RGPD3: variants seen among roughly 807,000 people sequenced by gnomAD.
RGPD3 encodes ranBP2-like and GRIP domain-containing protein 3.
RGPD3 carries 62 observed loss-of-function variants against 154.5 expected under a neutral mutation model. The observed-to-expected ratio is 0.40, with a 90% CI of 0.33 to 0.50. The LOEUF (loss-of-function observed/expected upper bound fraction) is 0.50, where lower values mean the gene tolerates loss of function less well. Among genes scored for constraint, RGPD3 ranks in the 20% least tolerant of loss-of-function variants. The pLI, the probability that RGPD3 is intolerant of heterozygous loss-of-function variation, is 0.59. For synonymous variants in RGPD3, 308 were observed against 607.0 expected, an observed-to-expected ratio of 0.51 and a Z score of 7.24; for missense variants, 919 against 1,716.8, an observed-to-expected ratio of 0.54 and a Z score of 8.21.
intron 22 of RGPD3, among the ~76,000 whole-genome samples, chr2:106,411,530 T>TA (rs1047476469): frequency 1.3e-4 from 20 of 150,158 alleles, no homozygotes; most frequent in Admixed American, 2.0e-4. Context: ...TTGTTATAGA[T>TA]AAAAAAACAA....
At chr2:106,468,777 G>A (rs1378313227), upstream of RGPD3, among the ~76,000 whole-genome samples, 7 of 116,196 alleles carry the variant, frequency 6.0e-5, no homozygotes, top group Non-Finnish European at 1.1e-4. Context: ...CTGTACTCTA[G>A]CCTGGATGAC....
chr2:106,408,618 T>C (rs1455922273), intron 22 of RGPD3, among the ~76,000 whole-genome samples: 1 of 139,274 alleles, frequency 7.2e-6, no homozygotes, highest in East Asian at 2.7e-4. Flanking sequence ...CTTAGTAGAT[T>C]CAACATTAGC....
intron 17 of RGPD3, among the ~76,000 whole-genome samples, chr2:106,430,417 C>T (rs1376087188): frequency 9.0e-6 from 1 of 110,962 alleles, no homozygotes; most frequent in African/African-American, 3.1e-5. Context: ...AAGACAATTC[C>T]CTGCTCAAAA....
rs543811564 is a variant in RGPD3, at chr2:106,436,171, G to T, written c.1710C>A (p.Gly570=). The stretch of plus-strand genomic sequence containing the variant: ...AATGTACAAGCAGAGCAGGTTGAAG[G>T]CCATGTTTTTCCTGGGCTCTTAGAG... ...INTLRAQEKH[G]LQPALLVHWA... Residue 570 remains glycine, a synonymous_variant, in exon 12 of 23, where the codon GGC becomes GGA. Coordinates refer to ENST00000409886, the MANE Select transcript of RGPD3 (RefSeq NM_001144013.2). 90 of 1,611,714 alleles carry T rather than the reference G, an allele frequency of 5.6e-5. 1 individual carries two copies. In the East Asian group the frequency reaches 2.0e-3, roughly 36 times the overall value.
At chr2:106,421,750 C>G (rs936095883) in intron 20 of RGPD3, among the ~76,000 whole-genome samples, 49 of 151,646 alleles carry the variant, frequency 3.2e-4, no homozygotes, top group African/African-American at 9.7e-4. Context: ...GTATACATGC[C>G]GTTGCCACTA....
chr2:106,466,154 C>A (rs1464628597), intron 1 of RGPD3, among the ~76,000 whole-genome samples: 1 of 148,814 alleles, frequency 6.7e-6, no homozygotes, highest in East Asian at 1.9e-4. Flanking sequence ...GAGCGAGCAC[C>A]GTCGGGAACA....
chr2:106,421,550 T>C (rs1676987096), intron 20 of RGPD3, among the ~76,000 whole-genome samples: 1 of 150,784 alleles, frequency 6.6e-6, no homozygotes, highest in African/African-American at 2.4e-5. Flanking sequence ...TAACCTGTTC[T>C]TGAAGGCCTT....
intron 22 of RGPD3, among the ~76,000 whole-genome samples, chr2:106,409,205 A>G (rs959213235): frequency 6.6e-6 from 1 of 152,042 alleles, no homozygotes; most frequent in Non-Finnish European, 1.5e-5. Flanking sequence ...TGGCTCTCAG[A>G]CCTTTCTTCT....
chr2:106,449,759 T>G (rs1678052983), intron 6 of RGPD3, among the ~76,000 whole-genome samples: 1 of 151,962 alleles, frequency 6.6e-6, no homozygotes, highest in Non-Finnish European at 1.5e-5. Flanking sequence ...GGCTCATGCC[T>G]GTAATCCCAG....
chr2:106,449,789 A>G (rs1307980824), intron 6 of RGPD3, among the ~76,000 whole-genome samples: 291 of 147,802 alleles, frequency 2.0e-3, no homozygotes, highest in African/African-American at 6.8e-3. Context: ...AGGCCGAGGC[A>G]GGCGGATCAC....
chr2:106,410,640 G>A (rs1012606739), intron 22 of RGPD3, among the ~76,000 whole-genome samples: 9 of 152,130 alleles, frequency 5.9e-5, no homozygotes, highest in Middle Eastern at 3.4e-3. Context: ...TAAAGTCCTG[G>A]TTAATTTTAT....
At chr2:106,464,880 GC>G (rs1426392238) in intron 1 of RGPD3, among the ~76,000 whole-genome samples, 1 of 149,540 alleles carries the variant, frequency 6.7e-6, no homozygotes, top group Non-Finnish European at 1.5e-5. Flanking sequence ...CTGCCACCAC[GC>G]CCGGCTCATT....
chr2:106,451,692 A>C (rs1020957497), intron 6 of RGPD3, among the ~76,000 whole-genome samples: 3 of 151,410 alleles, frequency 2.0e-5, no homozygotes, highest in African/African-American at 7.3e-5. Context: ...ATTTATTTTC[A>C]AAATGGAGAC....
At chr2:106,445,780 CAAATAA>C (rs1677902645) in intron 7 of RGPD3, among the ~76,000 whole-genome samples, 2 of 127,700 alleles carry the variant, frequency 1.6e-5, no homozygotes, top group African/African-American at 3.0e-5. Flanking sequence ...GACTCCGTCT[CAAATAA>C]AAATAAAAAG....
intron 1 of RGPD3, among the ~76,000 whole-genome samples, chr2:106,466,041 A>G (rs957187700): frequency 4.0e-5 from 6 of 151,590 alleles, no homozygotes; most frequent in Non-Finnish European, 7.4e-5. Flanking sequence ...TGTCCAGGAG[A>G]TGGGAAGAAA....
chr2:106,461,837 A>T (rs1678413750), intron 1 of RGPD3, among the ~76,000 whole-genome samples: 1 of 152,182 alleles, frequency 6.6e-6, no homozygotes, highest in Admixed American at 6.5e-5. Context: ...TCTCAAAAAA[A>T]AAAAGAACTA....
chr2:106,446,014 G>A (rs1324553552), intron 7 of RGPD3, among the ~76,000 whole-genome samples: 9 of 46,740 alleles, frequency 1.9e-4, no homozygotes, highest in African/African-American at 5.6e-4. Context: ...GCTTGAACCC[G>A]GGAGGCGGAG....
At chr2:106,407,701 A>G (rs1274587802) in intron 22 of RGPD3, among the ~76,000 whole-genome samples, 5 of 152,278 alleles carry the variant, frequency 3.3e-5, no homozygotes, top group African/African-American at 1.2e-4. Flanking sequence ...GCAACTATTC[A>G]TCTCCTTAGG....
chr2:106,409,781 A>G (rs1253730871), intron 22 of RGPD3, among the ~76,000 whole-genome samples: 7 of 151,190 alleles, frequency 4.6e-5, no homozygotes, highest in African/African-American at 1.7e-4. Flanking sequence ...TCGATTAGTA[A>G]AAACATGTTT....
Sources: gnomAD v4.1 joint callset for allele counts (sites outside exome capture counted in the v4.1 genomes callset) on GRCh38, gnomAD v4.1.1 for gene constraint, MANE v1.5 for transcripts, NCBI Gene and HGNC (gene_info 2026-07-23, HGNC 2026-07-21) for gene names.